Variants in PLS1 observed in about 807,000 individuals in gnomAD.
The protein encoded by PLS1 is plastin-1.
Under a neutral mutation model 73.7 loss-of-function variants are expected in PLS1, and 32 were observed. The observed-to-expected ratio is 0.43, with a 90% CI of 0.33 to 0.58. The LOEUF is 0.58. Among genes scored for constraint, PLS1 ranks in the 20% least tolerant of loss-of-function variants. PLS1 has a pLI of 0.04. For synonymous variants in PLS1, 217 were observed against 261.3 expected, an observed-to-expected ratio of 0.83 and a Z score of 1.63; for missense variants, 633 against 740.5, an observed-to-expected ratio of 0.85 and a Z score of 1.68.
intron 14 of PLS1, among the ~76,000 whole-genome samples, chr3:142,708,967 C>G (rs7620319): frequency 0.012 from 1,877 of 152,144 alleles, 38 homozygotes; most frequent in African/African-American, 0.042. Flanking sequence ...GGGAAAAATA[C>G]TTGTTTCCTA....
chr3:142,622,854 G>A (rs1449247111), intron 1 of PLS1, among the ~76,000 whole-genome samples: 1 of 152,174 alleles, frequency 6.6e-6, no homozygotes, highest in Non-Finnish European at 1.5e-5. Context: ...TAAGATGTTA[G>A]GGTTTGTTTG....
chr3:142,671,229 A>G lies in PLS1; in HGVS notation c.364+107A>G, dbSNP rs569495275. 5.6e-5 allele frequency: 55 copies of G among 979,142 alleles called. No homozygotes were observed. In the African/African-American group the frequency reaches 7.5e-4, roughly 13 times the overall value. 60.7% of individuals were successfully genotyped at this position (979,142 alleles called of 1,614,324 possible). Reference sequence around the variant, plus strand: ...TCATTGTGATTCATACCGTTATTTTATGTGCCACTGAGGAGAAAAAAATAC... The same window carrying G: ...TCATTGTGATTCATACCGTTATTTTGTGTGCCACTGAGGAGAAAAAAATAC... On this transcript the variant is annotated intron_variant, in intron 4 of 15. Transcript: ENST00000457734.
At chr3:142,621,453 T>C (rs1446534392) in intron 1 of PLS1, among the ~76,000 whole-genome samples, 2 of 152,206 alleles carry the variant, frequency 1.3e-5, no homozygotes, top group Non-Finnish European at 2.9e-5. Flanking sequence ...GTTAGCAATA[T>C]GAATGCTTAA....
chr3:142,614,779 T>C (rs2036185210), intron 1 of PLS1, among the ~76,000 whole-genome samples: 1 of 152,102 alleles, frequency 6.6e-6, no homozygotes, highest in African/African-American at 2.4e-5. Context: ...TGGCCTGGGC[T>C]CCATCTGCTG....
At chr3:142,700,602 G>A (rs1280667282) in intron 12 of PLS1, among the ~76,000 whole-genome samples, 2 of 152,216 alleles carry the variant, frequency 1.3e-5, no homozygotes, top group South Asian at 4.1e-4. Context: ...GATTACAGGC[G>A]TGAGCCACTG....
intron 12 of PLS1, among the ~76,000 whole-genome samples, chr3:142,703,024 A>C (rs1032879815): frequency 6.6e-6 from 1 of 152,234 alleles, no homozygotes; most frequent in Admixed American, 6.5e-5. Context: ...CAAAGGATAG[A>C]TCATTATTAG....
intron 2 of PLS1, among the ~76,000 whole-genome samples, chr3:142,668,855 G>C (rs999910449): frequency 4.6e-5 from 7 of 151,862 alleles, no homozygotes; most frequent in Non-Finnish European, 1.0e-4. Flanking sequence ...GCCTACCTCG[G>C]CCTCCCAAAG....
At chr3:142,602,852 A>G (rs1395929894) in intron 1 of PLS1, among the ~76,000 whole-genome samples, 1 of 151,968 alleles carries the variant, frequency 6.6e-6, no homozygotes, top group Non-Finnish European at 1.5e-5. Flanking sequence ...TCACCGGGCT[A>G]ATTTTTGTAT....
intron 1 of PLS1, among the ~76,000 whole-genome samples, chr3:142,618,562 C>G (rs1046136793): frequency 6.6e-6 from 1 of 152,128 alleles, no homozygotes; most frequent in African/African-American, 2.4e-5. Context: ...GGGTTGCTGG[C>G]AGAATTCGGT....
chr3:142,668,890 C>T (rs1051805200), intron 2 of PLS1, among the ~76,000 whole-genome samples: 3 of 152,118 alleles, frequency 2.0e-5, no homozygotes, highest in African/African-American at 4.8e-5. Context: ...GTGTGAGCCA[C>T]TGCGCCTGGC....
rs778334490 is a variant in PLS1, at chr3:142,689,811, A to G, written c.1175A>G (p.Glu392Gly). ...AATGACATCGATATGAATTTACTGG[A>G]AGGTGCGTTCTTTCTGCCTTTAATT... is the stretch of plus-strand genomic sequence containing the variant. ...NNNDIDMNLL[E>G]GESKEERTFR... is the part of the protein sequence containing the mutation. Residue 392 changes from glutamate to glycine, a missense_variant and splice_region_variant, in exon 10 of 16, where the codon GAA (glutamate) becomes GGA (glycine). Glu to Gly is a moderately conservative substitution (Grantham distance 98). Transcript: ENST00000457734. 9.5e-6 allele frequency: 15 copies of G among 1,573,368 alleles called. No homozygotes were observed. Among genetic ancestry groups the G allele is most frequent in the Non-Finnish European group, 1.3e-5 (15 of 1,157,022 alleles).
At chr3:142,635,433 TAC>T (rs2036658920) in intron 1 of PLS1, among the ~76,000 whole-genome samples, 1 of 64,892 alleles carries the variant, frequency 1.5e-5, no homozygotes. Flanking sequence ...CTACTAAAAA[TAC>T]AAAAAAAAAA....
intron 10 of PLS1, among the ~76,000 whole-genome samples, chr3:142,692,094 TGAATG>T (rs1469265460): frequency 1.1e-4 from 17 of 152,118 alleles, no homozygotes; most frequent in Admixed American, 1.1e-3. Context: ...AATGTGATCA[TGAATG>T]GAAGAATACA....
intron 1 of PLS1, among the ~76,000 whole-genome samples, chr3:142,633,735 T>TA (rs1205402735): frequency 6.6e-6 from 1 of 151,960 alleles, no homozygotes; most frequent in African/African-American, 2.4e-5. Flanking sequence ...TTTACCACAA[T>TA]AAAAAAAGTT....
Position 142,686,394 on chromosome 3 carries a change from CTT to C in PLS1, c.981+21_981+22del. On this transcript the variant is annotated intron_variant, in intron 9 of 15. Transcript: ENST00000457734. ...GAATTAATGTGAGTGCAATTTTTAA[CTT>C]TTAAAATATATTGTGGTAAAACAGA... 7.0e-7 allele frequency: 1 copy of C among 1,434,914 alleles called. No individual in the cohort carries two copies. The highest frequency in any genetic ancestry group is 9.8e-7 in the Non-Finnish European group (1 of 1,016,796). 88.9% of individuals were successfully genotyped at this position (1,434,914 alleles called of 1,614,324 possible).
intron 1 of PLS1, among the ~76,000 whole-genome samples, chr3:142,624,645 G>T (rs973813280): frequency 6.6e-6 from 1 of 152,176 alleles, no homozygotes; most frequent in African/African-American, 2.4e-5. Context: ...TTTTTGCAGT[G>T]ACCTGAGCTC....
Position 142,669,439 on chromosome 3 carries a change from T to G in PLS1, c.120T>G (p.Phe40Leu), listed in dbSNP as rs1484405728. The G allele has an allele frequency of 9.3e-6, 15 of 1,607,784 alleles. No homozygotes were observed. In the Admixed American group the frequency reaches 2.5e-4, roughly 27 times the overall value. Residue 40 changes from phenylalanine to leucine, a missense_variant, in exon 3 of 16, where the codon TTT becomes TTG. Phe to Leu is a conservative substitution (Grantham distance 22). Coordinates refer to ENST00000457734, the MANE Select transcript of PLS1 (RefSeq NM_001145319.2). ...YVSDYELQDLFKEASLPLPGY... is the reference protein window; with the variant it reads ...YVSDYELQDLLKEASLPLPGY... Reference sequence around the variant, plus strand: ...GTGACTATGAACTTCAAGACCTGTTTAAGGAAGCAAGCCTTCCTCTGCCTG... The same window carrying G: ...GTGACTATGAACTTCAAGACCTGTTGAAGGAAGCAAGCCTTCCTCTGCCTG...
At chr3:142,599,962 T>C (rs2035886283) in intron 1 of PLS1, among the ~76,000 whole-genome samples, 1 of 151,808 alleles carries the variant, frequency 6.6e-6, no homozygotes, top group Non-Finnish European at 1.5e-5. Context: ...GGTCTCACTA[T>C]TTTTCCCAGG....
intron 1 of PLS1, among the ~76,000 whole-genome samples, chr3:142,651,556 G>C (rs1314533981): frequency 1.3e-5 from 2 of 151,334 alleles, no homozygotes; most frequent in Non-Finnish European, 2.9e-5. Context: ...CGAACTCCTA[G>C]CTTCAAGCAA....
Sources: gnomAD v4.1 joint callset for allele counts (sites outside exome capture counted in the v4.1 genomes callset) on GRCh38, gnomAD v4.1.1 for gene constraint, MANE v1.5 for transcripts, NCBI Gene and HGNC (gene_info 2026-07-23, HGNC 2026-07-21) for gene names.